CSMD1: variants seen among roughly 807,000 people sequenced by gnomAD.
CSMD1 encodes the protein CUB and Sushi multiple domains 1, also known as CUB and sushi domain-containing protein 1.
CSMD1 carries 213 observed loss-of-function variants against 417.5 expected under a neutral mutation model. The observed-to-expected ratio is 0.51, with a 90% confidence interval of 0.46 to 0.57. The LOEUF (loss-of-function observed/expected upper bound fraction) is 0.57, where lower values mean the gene tolerates loss of function less well. Among genes scored for constraint, CSMD1 ranks in the 20% least tolerant of loss-of-function variants. The pLI, the probability that CSMD1 is intolerant of heterozygous loss-of-function variation, is 0.00. For synonymous variants in CSMD1, 2,862 were observed against 1,736.8 expected (o/e 1.65, Z -16.11); for missense variants, 6,923 against 4,529.7 (o/e 1.53, Z -15.17).
intron 23 of CSMD1, among the ~76,000 whole-genome samples, chr8:3,334,079 G>A (rs954251023): frequency 6.6e-6 from 1 of 152,196 alleles, no homozygotes; most frequent in Non-Finnish European, 1.5e-5. Flanking sequence ...GGCATTGAAA[G>A]AATCTATATG....
At chr8:3,085,922 C>T (rs1277832320) in intron 49 of CSMD1, among the ~76,000 whole-genome samples, 1 of 152,178 alleles carries the variant, frequency 6.6e-6, no homozygotes, top group Non-Finnish European at 1.5e-5. Flanking sequence ...TCTTTAGGCT[C>T]TATTTTGACT....
chr8:4,351,617 G>A (rs938452187), intron 3 of CSMD1, among the ~76,000 whole-genome samples: 1 of 152,186 alleles, frequency 6.6e-6, no homozygotes, highest in Non-Finnish European at 1.5e-5. Flanking sequence ...CTTGTTGTGG[G>A]AGTGAGAAAG....
intron 5 of CSMD1, among the ~76,000 whole-genome samples, chr8:3,891,550 G>T (rs1312782173): frequency 6.6e-6 from 1 of 152,052 alleles, no homozygotes; most frequent in African/African-American, 2.4e-5. Context: ...AATAGTGGGG[G>T]TGTACACCTG....
At chr8:4,904,532 T>G (rs1805109995) in intron 1 of CSMD1, among the ~76,000 whole-genome samples, 2 of 152,112 alleles carry the variant, frequency 1.3e-5, no homozygotes, top group South Asian at 4.1e-4. Flanking sequence ...GGTCCTACAC[T>G]GCCCTCTCTG....
intron 5 of CSMD1, among the ~76,000 whole-genome samples, chr8:3,895,272 C>G (rs564661245): frequency 1.3e-5 from 2 of 152,208 alleles, no homozygotes; most frequent in East Asian, 3.9e-4. Flanking sequence ...TGGTCTACTG[C>G]TTTCTATTTA....
intron 7 of CSMD1, among the ~76,000 whole-genome samples, chr8:3,617,990 A>G (rs780467862): frequency 3.9e-4 from 59 of 152,174 alleles, no homozygotes; most frequent in Non-Finnish European, 6.9e-4. Flanking sequence ...AACAGTAATC[A>G]TATCAAGTTT....
chr8:4,649,501 C>T (rs558258035), intron 1 of CSMD1, among the ~76,000 whole-genome samples: 13 of 152,178 alleles, frequency 8.5e-5, no homozygotes, highest in South Asian at 2.1e-4. Flanking sequence ...TATAAACCCA[C>T]GTGAGTAGGA....
intron 12 of CSMD1, among the ~76,000 whole-genome samples, chr8:3,443,296 C>T (rs1815105853): frequency 6.6e-6 from 1 of 152,088 alleles, no homozygotes; most frequent in Non-Finnish European, 1.5e-5. Context: ...GTGGCCTCTC[C>T]ATCTACTCTG....
rs1192096734 is a variant in CSMD1 at position 2,999,965 on chromosome 8, G to C, written c.8196C>G (p.Val2732=). 3 of 1,608,532 alleles carry C rather than the reference G, an allele frequency of 1.9e-6. No homozygotes were observed. Among genetic ancestry groups the C allele is most frequent in the Non-Finnish European group, 2.5e-6 (3 of 1,178,238 alleles). The change falls in exon 53 of 70, where the codon GTC becomes GTG. Residue 2732 remains valine, a synonymous_variant. Coordinates refer to ENST00000635120, the MANE Select transcript of CSMD1 (RefSeq NM_033225.6). Reference sequence around the variant, plus strand: ...CACAAAGAGTGCACTTACGGACACAGACAGGCGTTTGTCCAGACCACTTGT... The same window carrying C: ...CACAAAGAGTGCACTTACGGACACACACAGGCGTTTGTCCAGACCACTTGT... The part of the protein sequence containing the change: ...QDHKWSGQTP[V]CVPITCGHPG...
chr8:4,185,347 G>A (rs1282753765), intron 3 of CSMD1, among the ~76,000 whole-genome samples: 1 of 151,932 alleles, frequency 6.6e-6, no homozygotes, highest in Non-Finnish European at 1.5e-5. Flanking sequence ...TTTTGTCACA[G>A]GTTTACTATG....
chr8:3,761,471 C>G (rs150811144), intron 5 of CSMD1, among the ~76,000 whole-genome samples: 1 of 146,924 alleles, frequency 6.8e-6, no homozygotes, highest in African/African-American at 2.5e-5. Flanking sequence ...GAAGAGTTTT[C>G]ATTCAACAGT....
At chr8:3,029,137 G>A (rs1320359702) in intron 51 of CSMD1, among the ~76,000 whole-genome samples, 182 bp downstream of exon 51, 1 of 151,866 alleles carries the variant, frequency 6.6e-6, no homozygotes, top group Non-Finnish European at 1.5e-5. Context: ...GCAGCAATGT[G>A]GTTTAAGTAT....
At chr8:4,276,495 G>A (rs1054589616) in intron 3 of CSMD1, among the ~76,000 whole-genome samples, 1 of 152,162 alleles carries the variant, frequency 6.6e-6, no homozygotes, top group Non-Finnish European at 1.5e-5. Context: ...TAATACAGAT[G>A]ACGGGTTAGT....
At chr8:3,995,956 C>G (rs923241778) in intron 5 of CSMD1, among the ~76,000 whole-genome samples, 1 of 152,176 alleles carries the variant, frequency 6.6e-6, no homozygotes, top group South Asian at 2.1e-4. Context: ...CAGCCTGGAT[C>G]CAGGCACCAA....
chr8:3,422,567 A>G (rs896583784), intron 12 of CSMD1, among the ~76,000 whole-genome samples: 1 of 152,214 alleles, frequency 6.6e-6, no homozygotes, highest in South Asian at 2.1e-4. Flanking sequence ...ACAAAACAGT[A>G]AATTTTGAAA....
chr8:4,758,933 C>G (rs183990320), intron 1 of CSMD1, among the ~76,000 whole-genome samples: 150 of 152,298 alleles, frequency 9.8e-4, no homozygotes, highest in Admixed American at 1.4e-3. Context: ...AGGGGGATTT[C>G]AGTAGCAGAC....
rs1469355469 is a variant in CSMD1, at chr8:4,917,047, G to C, written c.85+77285C>G. ...GACTGGGTAATTTTTGAAGAAGAGA[G>C]ATTTAATTGGCTCAGGTTCGGTAGA... On this transcript the variant is annotated intron_variant, in intron 1 of 69. Transcript: ENST00000635120. Among the ~76,000 whole-genome samples the C allele has an allele frequency of 3.3e-5, 5 of 152,260 alleles. No homozygotes were observed. The East Asian group carries it at 9.7e-4, about 29-fold the overall frequency.
At position 3,295,370 on chromosome 8, in the gene CSMD1, C is replaced by T. The variant is rs11781780; in HGVS notation, c.3951-11024G>A. On this transcript the variant is annotated intron_variant, in intron 25 of 69. Transcript: ENST00000635120. ...CTCGATCTCCTGACCTTGTGATCCA[C>T]CCGCCTCGGCCTCCCAAAGTGCTGG... Among the ~76,000 whole-genome samples, 3 of 151,512 alleles carry T rather than the reference C, an allele frequency of 2.0e-5. No homozygotes were observed. In the South Asian group the frequency reaches 6.2e-4, roughly 31 times the overall value.
At chr8:4,266,333 T>G (rs1033617911) in intron 3 of CSMD1, among the ~76,000 whole-genome samples, 4 of 105,372 alleles carry the variant, frequency 3.8e-5, no homozygotes, top group African/African-American at 1.0e-4. Flanking sequence ...ACAGTTGATT[T>G]TGGAGAAAAA....
Sources: gnomAD v4.1 joint callset for allele counts (sites outside exome capture counted in the v4.1 genomes callset) on GRCh38, gnomAD v4.1.1 for gene constraint, MANE v1.5 for transcripts, NCBI Gene and HGNC (gene_info 2026-07-23, HGNC 2026-07-21) for gene names.